Variants in RPE observed in about 807,000 individuals in gnomAD.
RPE encodes ribulose-5-phosphate-3-epimerase.
RPE carries 16 observed loss-of-function variants against 24.6 expected under a neutral mutation model. The observed-to-expected ratio is 0.65, with a 90% CI of 0.44 to 0.99. The LOEUF is 0.99. Among genes scored for constraint, RPE ranks in the 50% least tolerant of loss-of-function variants. The pLI, the probability that RPE is intolerant of heterozygous loss-of-function variation, is 0.00. For missense variants in RPE, 240 were observed against 294.5 expected, an observed-to-expected ratio of 0.81 and a Z score of 1.35; for synonymous variants, 93 against 98.4, an observed-to-expected ratio of 0.94 and a Z score of 0.33.
At position 210,021,225 on chromosome 2, in the gene RPE, A is replaced by G. The variant is rs572259253; in HGVS notation, c.*1434A>G. ...CAAGAAATAAACATGACCAATATCA[A>G]TAGACTTCTTGAGGCTACTATAAGT... On this transcript the variant is annotated 3_prime_UTR_variant, in exon 6 of 6. Coordinates refer to ENST00000359429, the MANE Select transcript of RPE (RefSeq NM_199229.3). The G allele has an allele frequency of 1.3e-5, 2 of 152,244 alleles. No individual in the cohort carries two copies. The highest frequency in any genetic ancestry group is 2.4e-5 in the African/African-American group (1 of 41,558). 9.4% of individuals were successfully genotyped at this position (152,244 alleles called of 1,614,324 possible).
At chr2:210,008,311 T>C (rs1226223774) in intron 1 of RPE, among the ~76,000 whole-genome samples, 1 of 150,586 alleles carries the variant, frequency 6.6e-6, no homozygotes, top group Non-Finnish European at 1.5e-5. Context: ...TTTTTTTTTT[T>C]TTGAGATGGA....
intron 1 of RPE, among the ~76,000 whole-genome samples, chr2:210,006,432 T>A (rs2093631958): frequency 6.6e-6 from 1 of 152,204 alleles, no homozygotes; most frequent in Admixed American, 6.5e-5. Flanking sequence ...TGATGCATTC[T>A]TGTTCTTCCA....
chr2:210,016,506 G>T lies in RPE; in HGVS notation c.343-1G>T, dbSNP rs1382112136. The stretch of plus-strand genomic sequence containing the variant: ...ATATAGCATATTTGTGTCTGTTACA[G>T]GTTGGCCTTGCCATCAAACCAGGAA... On this transcript the variant is annotated splice_acceptor_variant, in intron 3 of 5. Coordinates refer to ENST00000359429, the MANE Select transcript of RPE (RefSeq NM_199229.3). LOFTEE classifies it high-confidence loss of function. 6.2e-7 allele frequency: 1 copy of T among 1,614,226 alleles called. No homozygotes were observed. The highest frequency in any genetic ancestry group is 8.5e-7 in the Non-Finnish European group (1 of 1,180,036).
intron 5 of RPE, 113 bp downstream of exon 5, chr2:210,017,672 T>C: frequency 1.0e-6 from 1 of 967,694 alleles, no homozygotes; most frequent in Admixed American, 2.3e-5. Context: ...CTTTCTTTCT[T>C]GGAAAAGTAT....
intron 2 of RPE, among the ~76,000 whole-genome samples, chr2:210,015,365 G>A (rs551667824): frequency 3.9e-5 from 6 of 152,292 alleles, no homozygotes; most frequent in Non-Finnish European, 5.9e-5. Flanking sequence ...GAATGCTGAA[G>A]GGTTTCTCCT....
At chr2:210,013,858 C>CATATT (rs1346263305) in intron 2 of RPE, among the ~76,000 whole-genome samples, 4 of 151,998 alleles carry the variant, frequency 2.6e-5, no homozygotes, top group Non-Finnish European at 5.9e-5. Flanking sequence ...TTTTAATCAG[C>CATATT]ATATTGTTGA....
chr2:210,018,673 C>T, intron 5 of RPE: 1 of 985,332 alleles, frequency 1.0e-6, no homozygotes, highest in Non-Finnish European at 1.2e-6. Context: ...TTGTACTAAA[C>T]TGTGCTTTGC....
chr2:210,002,687 C>A lies in RPE; in HGVS notation c.26C>A (p.Pro9Gln), dbSNP rs375765096. The change falls in exon 1 of 6, where the codon CCG becomes CAG. Residue 9 changes from proline (P) to glutamine (Q), a missense_variant. Transcript: ENST00000359429. The part of the protein sequence containing the change: MASGCKIG[P>Q]SILNSDLANL... ...ATGGCGTCGGGCTGCAAGATTGGCC[C>A]GTCCATCCTCAACAGCGACCTGGCC... The A allele has an allele frequency of 1.2e-5, 20 of 1,613,912 alleles. No homozygotes were observed. The highest frequency in any genetic ancestry group is 1.6e-5 in the Non-Finnish European group (19 of 1,179,910).
chr2:210,017,145 G>T (rs1289646303), intron 4 of RPE, among the ~76,000 whole-genome samples: 1 of 152,178 alleles, frequency 6.6e-6, no homozygotes, highest in Non-Finnish European at 1.5e-5. Context: ...ACGCCTGGAA[G>T]TCTTGAAATT....
intron 1 of RPE, among the ~76,000 whole-genome samples, chr2:210,006,639 A>C (rs942225106): frequency 1.1e-4 from 16 of 152,214 alleles, no homozygotes; most frequent in African/African-American, 3.9e-4. Context: ...CCTACTGTTA[A>C]GACAACGAAA....
At chr2:210,016,343 C>G (rs980694167) in intron 3 of RPE, 164 bp from the exon 4 acceptor site, 2 of 1,568,084 alleles carry the variant, frequency 1.3e-6, no homozygotes, top group Non-Finnish European at 8.6e-7. Context: ...ATGTATTCCA[C>G]TAAAGTTTTC....
chr2:210,011,395 T>C (rs559094260), intron 2 of RPE, among the ~76,000 whole-genome samples: 2 of 152,338 alleles, frequency 1.3e-5, no homozygotes, highest in East Asian at 3.9e-4. Flanking sequence ...GTGAATTTTT[T>C]TAATGCTTGC....
In RPE at chr2:210,004,333, G is replaced by T. The variant is rs189049361; in HGVS notation, c.122+1550G>T. Among the ~76,000 whole-genome samples the T allele has an allele frequency of 9.7e-4, 148 of 152,282 alleles. 1 individual carries two copies. The highest frequency in any genetic ancestry group is 1.8e-3 in the Non-Finnish European group (122 of 68,016). Reference sequence around the variant, plus strand: ...TGTTTATGAGCACTTGACTGTTTCTGTTCTGGAGTTTTTTTGTGAATTAAC... The same window carrying T: ...TGTTTATGAGCACTTGACTGTTTCTTTTCTGGAGTTTTTTTGTGAATTAAC... On this transcript the variant is annotated intron_variant, in intron 1 of 5. Coordinates refer to ENST00000359429, the MANE Select transcript of RPE (RefSeq NM_199229.3).
intron 1 of RPE, among the ~76,000 whole-genome samples, chr2:210,006,768 G>C (rs1420185033): frequency 6.6e-6 from 1 of 152,202 alleles, no homozygotes; most frequent in Non-Finnish European, 1.5e-5. Context: ...CTTATTTCAA[G>C]TTCTAAGTAA....
intron 2 of RPE, among the ~76,000 whole-genome samples, chr2:210,010,712 G>A (rs1453350318): frequency 6.6e-6 from 1 of 152,130 alleles, no homozygotes; most frequent in African/African-American, 2.4e-5. Context: ...ATAAACTTAA[G>A]TTCATGACCA....
chr2:210,005,476 A>T (rs539412066), intron 1 of RPE, among the ~76,000 whole-genome samples: 1 of 152,064 alleles, frequency 6.6e-6, no homozygotes, highest in Non-Finnish European at 1.5e-5. Context: ...GGGGAAAAAA[A>T]CCCTAGAAAA....
At chr2:210,007,553 T>C (rs1161075156) in intron 1 of RPE, among the ~76,000 whole-genome samples, 1 of 152,236 alleles carries the variant, frequency 6.6e-6, no homozygotes. Context: ...CCCATCTTTT[T>C]TTTACACTAG....
rs1465485778 is a variant in RPE at position 210,022,200 on chromosome 2, G to A, written c.*2409G>A. On this transcript the variant is annotated 3_prime_UTR_variant, in exon 6 of 6. Transcript: ENST00000359429. ...TTTTGTTAGGAGTAAACAGAAAGTA[G>A]CCTGTGTTTAGTCCCAAAGATAGCA... 6.6e-6 allele frequency: 1 copy of A among 151,934 alleles called. No homozygotes were observed. Among genetic ancestry groups the A allele is most frequent in the Non-Finnish European group, 1.5e-5 (1 of 67,940 alleles). The allele number at this position is 151,934 out of a possible 1,614,324, so 9.4% of individuals were successfully genotyped here.
At chr2:210,008,320 G>A (rs1230996006) in intron 1 of RPE, among the ~76,000 whole-genome samples, 12 of 146,470 alleles carry the variant, frequency 8.2e-5, no homozygotes, top group Admixed American at 8.1e-4. Flanking sequence ...TTTTGAGATG[G>A]AGTCTTGCTC....
Sources: gnomAD v4.1 joint callset for allele counts (sites outside exome capture counted in the v4.1 genomes callset) on GRCh38, gnomAD v4.1.1 for gene constraint, MANE v1.5 for transcripts, NCBI Gene and HGNC (gene_info 2026-07-23, HGNC 2026-07-21) for gene names.